MAF: variants seen among roughly 807,000 people sequenced by gnomAD.
The protein encoded by MAF is transcription factor Maf.
In MAF, 10 loss-of-function variants were observed where a neutral mutation model predicts 22.0. The ratio of observed to expected loss-of-function variants is 0.45; its 90% CI spans 0.28 to 0.77. MAF has a LOEUF of 0.77. Ranked by LOEUF, MAF falls within the 30% of genes least tolerant of loss-of-function variation. The pLI is 0.12. For missense variants in MAF, 544 were observed against 548.4 expected (o/e 0.99, Z 0.08); for synonymous variants, 337 against 255.8 (o/e 1.32, Z -3.03).
At chr16:79,579,962 C>T in the MAF span, among the ~76,000 whole-genome samples, 2 of 152,192 alleles carry the variant, frequency 1.3e-5, no homozygotes, top group African/African-American at 2.4e-5. Context: ...TAAAATTTCT[C>T]AGCAACAGCG....
the MAF span, among the ~76,000 whole-genome samples, chr16:79,214,521 T>C: frequency 6.6e-6 from 1 of 151,754 alleles, no homozygotes; most frequent in African/African-American, 2.4e-5. Context: ...TTCTCCTGCC[T>C]CAGCCTACCA....
At chr16:79,518,745 A>G in the MAF span, among the ~76,000 whole-genome samples, 1 of 152,266 alleles carries the variant, frequency 6.6e-6, no homozygotes, top group Admixed American at 6.5e-5. Context: ...GACCTCATGG[A>G]GAAACCCCAT....
chr16:79,506,886 TG>T, the MAF span, among the ~76,000 whole-genome samples: 1 of 152,074 alleles, frequency 6.6e-6, no homozygotes, highest in Non-Finnish European at 1.5e-5. Flanking sequence ...TTAGTGGGAA[TG>T]GACAAAAATA....
At chr16:79,453,224 C>T in the MAF span, among the ~76,000 whole-genome samples, 1 of 152,158 alleles carries the variant, frequency 6.6e-6, no homozygotes, top group Non-Finnish European at 1.5e-5. Flanking sequence ...GAGGTCTCTA[C>T]TCTAGCAATA....
chr16:79,443,980 C>T, the MAF span, among the ~76,000 whole-genome samples: 17 of 151,776 alleles, frequency 1.1e-4, no homozygotes, highest in Non-Finnish European at 1.9e-4. Flanking sequence ...ACTAAAATGT[C>T]TAAAGAGGTA....
chr16:79,385,015 G>C, the MAF span, among the ~76,000 whole-genome samples: 1 of 152,288 alleles, frequency 6.6e-6, no homozygotes, highest in African/African-American at 2.4e-5. Flanking sequence ...TTGGAGACAG[G>C]ATCAGGAAAG....
At chr16:79,565,601 T>C in the MAF span, among the ~76,000 whole-genome samples, 3 of 152,128 alleles carry the variant, frequency 2.0e-5, no homozygotes, top group African/African-American at 7.2e-5. Context: ...TCTGATGCTG[T>C]TATAAGGGGC....
At chr16:79,379,826 G>A in the MAF span, among the ~76,000 whole-genome samples, 3 of 152,164 alleles carry the variant, frequency 2.0e-5, no homozygotes, top group African/African-American at 7.2e-5. Context: ...CTCTGTGCTT[G>A]AGGAGGCTTT....
At chr16:79,215,535 T>G in the MAF span, among the ~76,000 whole-genome samples, 9 of 152,286 alleles carry the variant, frequency 5.9e-5, no homozygotes, top group South Asian at 1.9e-3. Flanking sequence ...GAGGACATGC[T>G]GGCCTCCTGC....
chr16:79,583,045 T>C (rs545973420), downstream of MAF, among the ~76,000 whole-genome samples: 9 of 152,246 alleles, frequency 5.9e-5, no homozygotes, highest in Middle Eastern at 3.4e-3. Flanking sequence ...GCAAGGGAAA[T>C]TTGGTTATGG....
the MAF span, chr16:79,212,104 CTCTT>C: frequency 2.6e-6 from 4 of 1,535,970 alleles, no homozygotes; most frequent in Non-Finnish European, 3.5e-6. Flanking sequence ...ACCAGCAATT[CTCTT>C]TCTTTTACTG....
At chr16:79,302,934 G>A in the MAF span, among the ~76,000 whole-genome samples, 2 of 152,250 alleles carry the variant, frequency 1.3e-5, no homozygotes, top group African/African-American at 4.8e-5. Context: ...GGCACTGTCA[G>A]ATGGGAGACA....
the MAF span, among the ~76,000 whole-genome samples, chr16:79,317,748 CG>C: frequency 1.3e-5 from 2 of 152,178 alleles, no homozygotes; most frequent in Non-Finnish European, 2.9e-5. Flanking sequence ...GCCTGGCTGC[CG>C]ATTTGCTCTG....
chr16:79,312,697 G>A, the MAF span, among the ~76,000 whole-genome samples: 1 of 152,216 alleles, frequency 6.6e-6, no homozygotes, highest in African/African-American at 2.4e-5. Context: ...AACCCAGTGA[G>A]CCGCTACTTT....
the MAF span, among the ~76,000 whole-genome samples, chr16:79,462,018 TG>T: frequency 1.1e-3 from 160 of 152,260 alleles, 1 homozygote; most frequent in African/African-American, 3.8e-3. Flanking sequence ...TCCCTGCAAA[TG>T]GAGTCTCTAC....
At chr16:79,361,410 T>G in the MAF span, among the ~76,000 whole-genome samples, 1 of 152,224 alleles carries the variant, frequency 6.6e-6, no homozygotes, top group African/African-American at 2.4e-5. Flanking sequence ...ATGTATCATT[T>G]CCTTATAGGG....
At chr16:79,479,208 A>G in the MAF span, among the ~76,000 whole-genome samples, 1 of 152,208 alleles carries the variant, frequency 6.6e-6, no homozygotes, top group Non-Finnish European at 1.5e-5. Context: ...CCTATATCAT[A>G]TCTTAGTGCA....
At chr16:79,315,542 A>G in the MAF span, among the ~76,000 whole-genome samples, 4 of 152,192 alleles carry the variant, frequency 2.6e-5, no homozygotes, top group Admixed American at 6.5e-5. Flanking sequence ...GCTGTTAGTA[A>G]GTGTACCCAT....
At chr16:79,204,937 C>G in the MAF span, 1 of 152,214 alleles carries the variant, frequency 6.6e-6, no homozygotes, top group Non-Finnish European at 1.5e-5. Flanking sequence ...TTCGAGTCCA[C>G]CTCTTAAAAC....
Sources: allele counts gnomAD v4.1 joint callset (sites outside exome capture counted in the v4.1 genomes callset), GRCh38; gene constraint gnomAD v4.1.1; transcripts MANE v1.5; gene names NCBI Gene and HGNC (gene_info 2026-07-23, HGNC 2026-07-21).